The following NCKAP1L variants were observed in gnomAD, a reference collection of about 807,000 sequenced individuals.
NCKAP1L encodes the protein NCK associated protein 1 like.
A neutral mutation model predicts 139.2 loss-of-function variants in NCKAP1L; 53 were observed. The observed-to-expected ratio is 0.38, with a 90% confidence interval of 0.31 to 0.48. The LOEUF (loss-of-function observed/expected upper bound fraction) is 0.48, where lower values mean the gene tolerates loss of function less well. NCKAP1L is among the 20% of genes least tolerant of loss of function. The pLI is 0.98. For missense variants in NCKAP1L, 1,151 were observed against 1,381.9 expected (o/e 0.83, Z 2.65); for synonymous variants, 468 against 499.7 (o/e 0.94, Z 0.85).
intron 5 of NCKAP1L, among the ~76,000 whole-genome samples, chr12:54,509,075 A>G (rs183829843): frequency 6.6e-6 from 1 of 152,368 alleles, no homozygotes; most frequent in Admixed American, 6.5e-5. Flanking sequence ...GAATAATATT[A>G]GTAAGGTAAA....
intron 22 of NCKAP1L, 35 bp from the exon 23 acceptor site, chr12:54,531,225 G>A (rs1477610769): frequency 1.3e-6 from 2 of 1,510,300 alleles, no homozygotes; most frequent in Non-Finnish European, 1.8e-6. Flanking sequence ...AGTGCCTTCT[G>A]AGTCCCATCT....
chr12:54,520,988 T>G (rs1409143501), intron 17 of NCKAP1L, 131 bp from the exon 18 acceptor site: 2 of 1,502,470 alleles, frequency 1.3e-6, no homozygotes, highest in East Asian at 4.5e-5. Context: ...TCTCTGGGCC[T>G]CAGTTTCTTC....
chr12:54,501,576 C>T (rs1956798251), intron 3 of NCKAP1L, among the ~76,000 whole-genome samples: 3 of 151,896 alleles, frequency 2.0e-5, no homozygotes, highest in African/African-American at 7.3e-5. Context: ...GCAATCACAG[C>T]TCACTGCTGC....
intron 7 of NCKAP1L, 107 bp downstream of exon 7, chr12:54,510,092 GTCT>G (rs763999110): frequency 6.5e-5 from 91 of 1,401,698 alleles, no homozygotes; most frequent in South Asian, 5.7e-4. Flanking sequence ...GAATGCTTTA[GTCT>G]TCTTCTAGGG....
Position 54,520,718 on chromosome 12 carries a change from G to T in NCKAP1L, c.1650G>T (p.Lys550Asn), listed in dbSNP as rs1956975132. 6.2e-7 allele frequency: 1 copy of T among 1,614,090 alleles called. No individual in the cohort carries two copies. Residue 550 changes from lysine to asparagine, a missense_variant, in exon 17 of 31, where the codon AAG (lysine) becomes AAT (asparagine). Physicochemically the swap from Lys to Asn is moderately conservative, Grantham distance 94 (BLOSUM62 0). Coordinates refer to ENST00000293373, the MANE Select transcript of NCKAP1L (RefSeq NM_005337.5). ...TFCFHLRIFE[K>N]MFAMTLEESA... ...GCTTTCATCTTCGTATCTTTGAGAA[G>T]ATGTTTGCCATGACCTTGGAGGAAT...
chr12:54,509,635 A>G (rs1383697444), intron 5 of NCKAP1L, 34 bp from the exon 6 acceptor site: 3 of 1,448,704 alleles, frequency 2.1e-6, no homozygotes, highest in Middle Eastern at 1.8e-4. Context: ...TGGGTAAGGG[A>G]GGGCTGTAAC....
chr12:54,517,770 T>A (rs1409952427), intron 12 of NCKAP1L, 36 bp from the exon 13 acceptor site: 1 of 1,612,250 alleles, frequency 6.2e-7, no homozygotes, highest in Non-Finnish European at 8.5e-7. Flanking sequence ...ATATTTCTAG[T>A]CTTATTCATC....
intron 3 of NCKAP1L, among the ~76,000 whole-genome samples, chr12:54,505,010 G>T (rs1164268546): frequency 6.6e-6 from 1 of 152,234 alleles, no homozygotes; most frequent in Non-Finnish European, 1.5e-5. Flanking sequence ...CCTAGCAAAT[G>T]AGGAAGTATA....
At chr12:54,534,121 T>C (rs1166948379) in intron 26 of NCKAP1L, among the ~76,000 whole-genome samples, 1 of 152,146 alleles carries the variant, frequency 6.6e-6, no homozygotes, top group Non-Finnish European at 1.5e-5. Context: ...TAAAGAGAAA[T>C]GCAAAACTCC....
intron 20 of NCKAP1L, among the ~76,000 whole-genome samples, 164 bp downstream of exon 20, chr12:54,524,120 A>G (rs1046886590): frequency 1.2e-4 from 18 of 152,152 alleles, no homozygotes; most frequent in Admixed American, 1.2e-3. Flanking sequence ...CATAGGTCCC[A>G]AGCATCTCTA....
intron 5 of NCKAP1L, among the ~76,000 whole-genome samples, chr12:54,509,357 G>C (rs567684418): frequency 6.6e-6 from 1 of 152,166 alleles, no homozygotes; most frequent in Non-Finnish European, 1.5e-5. Context: ...TTTGAATCTA[G>C]GCATATTACT....
chr12:54,519,356 T>C, intron 16 of NCKAP1L, 24 bp downstream of exon 16: 1 of 1,436,922 alleles, frequency 7.0e-7, no homozygotes. Context: ...CAGAGCTCTC[T>C]TTAAAAAGTT....
In NCKAP1L at chr12:54,547,404, A is replaced by C. The variant is rs1957205082; in HGVS notation, c.*4719A>C. The C allele has an allele frequency of 6.6e-6, 1 of 152,042 alleles. No individual in the cohort carries two copies. Among genetic ancestry groups the C allele is most frequent in the Non-Finnish European group, 1.5e-5 (1 of 68,038 alleles). The allele number at this position is 152,042 out of a possible 1,614,324, so 9.4% of individuals were successfully genotyped here. On this transcript the variant is annotated 3_prime_UTR_variant, in exon 31 of 31. Transcript: ENST00000293373. Reference sequence around the variant, plus strand: ...TATTTTTATTTTTACTTTTTCCATCAAACTGTGTTGTCTATGAAGTTTTCC... The same window carrying C: ...TATTTTTATTTTTACTTTTTCCATCCAACTGTGTTGTCTATGAAGTTTTCC...
chr12:54,538,539 G>C (rs1179824844), intron 29 of NCKAP1L, among the ~76,000 whole-genome samples: 2 of 152,216 alleles, frequency 1.3e-5, no homozygotes, highest in East Asian at 3.9e-4. Flanking sequence ...GCCATAAACA[G>C]CCTGATGACA....
At chr12:54,525,843 G>A (rs1003483729) in intron 20 of NCKAP1L, among the ~76,000 whole-genome samples, 2 of 152,156 alleles carry the variant, frequency 1.3e-5, no homozygotes, top group Admixed American at 6.5e-5. Context: ...CTTAGTCAGA[G>A]GACTGACTCT....
chr12:54,517,517 T>C lies in NCKAP1L; in HGVS notation c.1096-16T>C, dbSNP rs371658346. On this transcript the variant is annotated splice_polypyrimidine_tract_variant and intron_variant, in intron 11 of 30. Coordinates refer to ENST00000293373, the MANE Select transcript of NCKAP1L (RefSeq NM_005337.5). ...TTTAAAGTTGAAAATTCTAATAGTC[T>C]CTACCCCCTCCATAGGCTCTTTTTG... 35 of 1,572,846 alleles carry C rather than the reference T, an allele frequency of 2.2e-5. No homozygotes were observed. In the African/African-American group the frequency reaches 4.5e-4, roughly 20 times the overall value.
rs1479973423 is a variant in NCKAP1L at position 54,517,008 on chromosome 12, G to A, written c.1095+16G>A. ...GGGTCCTAAGGCAAGAGGAAGAAAT[G>A]TTGGGAGGGGAATGATGGCCAGTGA... On this transcript the variant is annotated intron_variant, in intron 11 of 30. Coordinates refer to ENST00000293373, the MANE Select transcript of NCKAP1L (RefSeq NM_005337.5). 2.5e-6 allele frequency: 4 copies of A among 1,603,436 alleles called. No homozygotes were observed. The highest frequency in any genetic ancestry group is 3.4e-6 in the Non-Finnish European group (4 of 1,171,522).
chr12:54,542,481 G>A lies in NCKAP1L; in HGVS notation c.3274-94G>A, dbSNP rs1957165604. The stretch of plus-strand genomic sequence containing the variant: ...ACCCTGTTCACTTGTAACTCTCAGG[G>A]CCTCAGAGGGCCTGGGAACTATGCA... On this transcript the variant is annotated intron_variant, in intron 30 of 30. Coordinates refer to ENST00000293373, the MANE Select transcript of NCKAP1L (RefSeq NM_005337.5). The A allele has an allele frequency of 3.4e-6, 3 of 877,026 alleles. No individual in the cohort carries two copies. In the South Asian group the frequency reaches 4.4e-5, roughly 13 times the overall value. The allele number at this position is 877,026 out of a possible 1,614,324, so 54.3% of individuals were successfully genotyped here.
At chr12:54,540,975 G>A (rs1422750519) in intron 30 of NCKAP1L, among the ~76,000 whole-genome samples, 1 of 152,242 alleles carries the variant, frequency 6.6e-6, no homozygotes, top group African/African-American at 2.4e-5. Context: ...TGAAGGAGCT[G>A]TATTCTGAGT....
Sources: allele counts gnomAD v4.1 joint callset (sites outside exome capture counted in the v4.1 genomes callset), GRCh38; gene constraint gnomAD v4.1.1; transcripts MANE v1.5; gene names NCBI Gene and HGNC (gene_info 2026-07-23, HGNC 2026-07-21).